POMP: variants seen among roughly 807,000 people sequenced by gnomAD.
The protein encoded by POMP is proteasome maturation protein, also known as 2510048O06Rik.
Under a neutral mutation model 20.6 loss-of-function variants are expected in POMP, and 12 were observed. The ratio of observed to expected loss-of-function variants is 0.58; its 90% CI spans 0.37 to 0.94. POMP has a LOEUF of 0.94. Among genes scored for constraint, POMP ranks in the 40% least tolerant of loss-of-function variants. The pLI is 0.01. For synonymous variants in POMP, 53 were observed against 55.0 expected, an observed-to-expected ratio of 0.96 and a Z score of 0.16; for missense variants, 136 against 161.1, an observed-to-expected ratio of 0.84 and a Z score of 0.84.
At chr13:28,675,987 A>G (rs761601450) in intron 5 of POMP, among the ~76,000 whole-genome samples, 6 of 152,074 alleles carry the variant, frequency 3.9e-5, no homozygotes, top group Non-Finnish European at 2.9e-5. Context: ...TTACCTCCCT[A>G]CAGGGCCACC....
intron 5 of POMP, 105 bp downstream of exon 5, chr13:28,672,537 T>C (rs1041140111): frequency 1.8e-5 from 15 of 836,986 alleles, no homozygotes; most frequent in Non-Finnish European, 2.7e-5. Context: ...TTACAGCTGA[T>C]TGGGTTCACT....
intron 4 of POMP, among the ~76,000 whole-genome samples, chr13:28,670,420 G>T (rs573844589): frequency 3.2e-4 from 48 of 152,162 alleles, no homozygotes; most frequent in Admixed American, 3.1e-3. Flanking sequence ...TACTATGCTG[G>T]TCCTTGCCCC....
intron 3 of POMP, among the ~76,000 whole-genome samples, chr13:28,665,600 G>A (rs2137792740): frequency 6.6e-6 from 1 of 152,250 alleles, no homozygotes; most frequent in South Asian, 2.1e-4. Flanking sequence ...TTTGTATAAA[G>A]GATCTAACTA....
chr13:28,664,759 G>A (rs548505910), intron 3 of POMP, among the ~76,000 whole-genome samples, 190 bp downstream of exon 3: 2 of 152,000 alleles, frequency 1.3e-5, no homozygotes, highest in Non-Finnish European at 2.9e-5. Flanking sequence ...CTTTCTATGC[G>A]TTCTTACCTG....
chr13:28,672,313 T>G (rs757454469), intron 4 of POMP, 26 bp from the exon 5 acceptor site: 10 of 1,501,170 alleles, frequency 6.7e-6, no homozygotes, highest in Non-Finnish European at 9.3e-6. Context: ...TTTTCTAATC[T>G]TGTCCCTTCA....
At chr13:28,676,410 CT>C in intron 5 of POMP, among the ~76,000 whole-genome samples, 1 of 152,288 alleles carries the variant, frequency 6.6e-6, no homozygotes, top group East Asian at 1.9e-4. Context: ...TATATTAATT[CT>C]TTACATAACA....
chr13:28,666,398 A>G (rs1354328358), intron 3 of POMP, among the ~76,000 whole-genome samples: 1 of 152,244 alleles, frequency 6.6e-6, no homozygotes, highest in Non-Finnish European at 1.5e-5. Flanking sequence ...GATTTGGAAT[A>G]TTGGTTTAGT....
chr13:28,676,324 G>A (rs1884628685), intron 5 of POMP, among the ~76,000 whole-genome samples: 2 of 152,140 alleles, frequency 1.3e-5, no homozygotes, highest in Admixed American at 6.5e-5. Context: ...TTTCCAACAT[G>A]AGATTTGGAG....
intron 1 of POMP, 23 bp downstream of exon 1, chr13:28,659,210 G>A (rs1465183726): frequency 3.2e-6 from 5 of 1,585,014 alleles, no homozygotes; most frequent in South Asian, 1.1e-5. Context: ...CCGGGCGGCT[G>A]GAGTTCCACG....
chr13:28,672,235 G>T, intron 4 of POMP, 104 bp from the exon 5 acceptor site: 1 of 928,336 alleles, frequency 1.1e-6, no homozygotes, highest in Admixed American at 1.8e-5. Context: ...ATTTGGTTTT[G>T]CGAATTTTCA....
chr13:28,665,366 AAAGAGTAG>A (rs1347615587), intron 3 of POMP, among the ~76,000 whole-genome samples: 1 of 152,228 alleles, frequency 6.6e-6, no homozygotes, highest in Admixed American at 6.5e-5. Context: ...TGCCTATAAG[AAAGAGTAG>A]AACAAATAAT....
Position 28,678,421 on chromosome 13 carries a change from T to G in POMP, c.*319T>G, listed in dbSNP as rs994062615. On this transcript the variant is annotated 3_prime_UTR_variant, in exon 6 of 6. Transcript: ENST00000380842. ...TTTCTAGGTTTTTTTGTAAATTTAG[T>G]TTTGATTAAGCATTATAAGCATTTG... 1.3e-5 allele frequency: 4 copies of G among 310,238 alleles called. No individual in the cohort carries two copies. Among genetic ancestry groups the G allele is most frequent in the Non-Finnish European group, 2.4e-5 (4 of 163,340 alleles). 19.2% of individuals were successfully genotyped at this position (310,238 alleles called of 1,614,324 possible). A position where few individuals can be genotyped will look rare whatever the true frequency, so the allele number is the denominator to read the frequency against.
At chr13:28,675,063 C>A (rs1189772348) in intron 5 of POMP, among the ~76,000 whole-genome samples, 1 of 151,950 alleles carries the variant, frequency 6.6e-6, no homozygotes, top group African/African-American at 2.4e-5. Flanking sequence ...AAGCCACTTG[C>A]TATCTTGTGG....
Position 28,662,522 on chromosome 13 carries a change from T to G in POMP, c.101+15T>G. The G allele has an allele frequency of 6.4e-7, 1 of 1,570,230 alleles. No individual in the cohort carries two copies. The highest frequency in any genetic ancestry group is 8.8e-7 in the Non-Finnish European group (1 of 1,140,254). On this transcript the variant is annotated intron_variant, in intron 2 of 5. Coordinates refer to ENST00000380842, the MANE Select transcript of POMP (RefSeq NM_015932.6). ...CTTCGGAAAGGGTATATGGGGGAGT[T>G]ATGACTTTGATTTTGTTATGTTTCT...
rs758279995 is a variant in POMP at position 28,678,101 on chromosome 13, A to G, written c.425A>G (p.Ter142=). The G allele has an allele frequency of 1.2e-6, 2 of 1,613,484 alleles. No homozygotes were observed. Among genetic ancestry groups the G allele is most frequent in the South Asian group, 2.2e-5 (2 of 91,078 alleles). Residue 142 remains the stop codon, a stop_retained_variant, in exon 6 of 6, where the codon TAA becomes TGA. Coordinates refer to ENST00000380842, the MANE Select transcript of POMP (RefSeq NM_015932.6). ...LMVEYKLGLL[*] The stretch of plus-strand genomic sequence containing the variant: ...GTGGAATATAAACTTGGTTTACTGT[A>G]ATAGTGTGCTGTTCATGGAAACCGA...
chr13:28,675,127 T>C (rs1295710234), intron 5 of POMP, among the ~76,000 whole-genome samples: 1 of 151,078 alleles, frequency 6.6e-6, no homozygotes, highest in Non-Finnish European at 1.5e-5. Flanking sequence ...TTAGGAAAAA[T>C]CACCTGTTTA....
At position 28,670,074 on chromosome 13, in the gene POMP, C is replaced by T. The variant is rs527902321; in HGVS notation, c.264+1500C>T. 1.5e-4 allele frequency among the ~76,000 whole-genome samples: 23 copies of T among 152,322 alleles called. No individual in the cohort carries two copies. In the East Asian group the frequency reaches 4.2e-3, roughly 28 times the overall value. On this transcript the variant is annotated intron_variant, in intron 4 of 5. Coordinates refer to ENST00000380842, the MANE Select transcript of POMP (RefSeq NM_015932.6). ...GCAGTGAGCCGAGATCGTGCCACTA[C>T]ACTCCAGCCTAGGTGACAGAATGAG...
chr13:28,678,215 T>C lies in POMP; in HGVS notation c.*113T>C, dbSNP rs758715178. 12 of 1,063,844 alleles carry C rather than the reference T, an allele frequency of 1.1e-5. No individual in the cohort carries two copies. The highest frequency in any genetic ancestry group is 1.7e-5 in the Non-Finnish European group (12 of 691,512). 65.9% of individuals were successfully genotyped at this position (1,063,844 alleles called of 1,614,324 possible). Reference sequence around the variant, plus strand: ...TGACACCTGAGAATTTCTGCTCAAGTAGTATCAGTGATCATTTAAAATTTG... The same window carrying C: ...TGACACCTGAGAATTTCTGCTCAAGCAGTATCAGTGATCATTTAAAATTTG... On this transcript the variant is annotated 3_prime_UTR_variant, in exon 6 of 6. Transcript: ENST00000380842.
At chr13:28,677,125 C>T (rs1884641528) in intron 5 of POMP, among the ~76,000 whole-genome samples, 2 of 152,134 alleles carry the variant, frequency 1.3e-5, no homozygotes, top group Non-Finnish European at 2.9e-5. Flanking sequence ...TCCCTAATTA[C>T]CGGCTGTTTT....
Sources: allele counts gnomAD v4.1 joint callset (sites outside exome capture counted in the v4.1 genomes callset), GRCh38; gene constraint gnomAD v4.1.1; transcripts MANE v1.5; gene names NCBI Gene and HGNC (gene_info 2026-07-23, HGNC 2026-07-21).